Variants in AK5 observed in about 807,000 individuals in gnomAD.
AK5 encodes the protein adenylate kinase isoenzyme 5.
AK5 carries 27 observed loss-of-function variants against 69.5 expected under a neutral mutation model. The ratio of observed to expected loss-of-function variants is 0.39; its 90% CI spans 0.29 to 0.54. The LOEUF is 0.54. AK5 is among the 20% of genes least tolerant of loss of function. AK5 has a pLI of 0.71. For synonymous variants in AK5, 260 were observed against 244.4 expected, an observed-to-expected ratio of 1.06 and a Z score of -0.60; for missense variants, 531 against 700.4, an observed-to-expected ratio of 0.76 and a Z score of 2.73.
At chr1:77,450,822 A>T (rs1653097747) in intron 8 of AK5, among the ~76,000 whole-genome samples, 1 of 152,204 alleles carries the variant, frequency 6.6e-6, no homozygotes, top group Non-Finnish European at 1.5e-5. Flanking sequence ...CTTGTCTTTC[A>T]AGCATAATAC....
intron 5 of AK5, among the ~76,000 whole-genome samples, chr1:77,306,029 T>TA (rs1445737123): frequency 6.6e-6 from 1 of 152,166 alleles, no homozygotes; most frequent in Non-Finnish European, 1.5e-5. Flanking sequence ...CAGTGTTTTA[T>TA]AGTTTTCATT....
chr1:77,512,519 C>T (rs1179318654), intron 10 of AK5, among the ~76,000 whole-genome samples: 6 of 151,152 alleles, frequency 4.0e-5, no homozygotes, highest in South Asian at 2.2e-4. Flanking sequence ...TTTGGGGGAA[C>T]GGGACAAATT....
At chr1:77,501,840 G>C (rs1187897676) in intron 10 of AK5, among the ~76,000 whole-genome samples, 3 of 152,136 alleles carry the variant, frequency 2.0e-5, no homozygotes, top group Middle Eastern at 3.2e-3. Flanking sequence ...TAAAATATCA[G>C]CCCCAGCACT....
At chr1:77,362,355 G>C (rs1248750905) in intron 6 of AK5, among the ~76,000 whole-genome samples, 1 of 151,916 alleles carries the variant, frequency 6.6e-6, no homozygotes, top group Non-Finnish European at 1.5e-5. Context: ...TTCCTCAATT[G>C]TAGTTCAATA....
rs190208738 is a variant in AK5 at position 77,303,332 on chromosome 1, T to C, written c.699+5385T>C. Reference sequence around the variant, plus strand: ...TTTATATGTGCTATATCTATTGATATTCACCATATGAGAAATCAAAACAAA... The same window carrying C: ...TTTATATGTGCTATATCTATTGATACTCACCATATGAGAAATCAAAACAAA... On this transcript the variant is annotated intron_variant, in intron 5 of 13. Transcript: ENST00000354567. 7.5e-4 allele frequency among the ~76,000 whole-genome samples: 115 copies of C among 152,370 alleles called. 1 individual carries two copies. The highest frequency in any genetic ancestry group is 2.6e-3 in the African/African-American group (110 of 41,596).
At chr1:77,288,381 C>T (rs1014998733) in intron 2 of AK5, among the ~76,000 whole-genome samples, 1 of 152,094 alleles carries the variant, frequency 6.6e-6, no homozygotes, top group Non-Finnish European at 1.5e-5. Flanking sequence ...AAAACTGAAA[C>T]CATTCTCAAA....
intron 13 of AK5, 55 bp downstream of exon 13, chr1:77,536,093 T>C (rs1324239572): frequency 1.0e-4 from 145 of 1,446,868 alleles, no homozygotes; most frequent in Middle Eastern, 1.9e-4. Context: ...TTTTTTTTTT[T>C]CCAAGAAAAG....
intron 5 of AK5, among the ~76,000 whole-genome samples, chr1:77,301,881 G>C (rs1431424130): frequency 1.3e-5 from 2 of 152,154 alleles, no homozygotes; most frequent in Non-Finnish European, 2.9e-5. Context: ...GTTCCTCTGA[G>C]AAGTTCTTCC....
intron 13 of AK5, among the ~76,000 whole-genome samples, chr1:77,544,988 ACATTGTGATG>A (rs2100381405): frequency 6.6e-6 from 1 of 152,352 alleles, no homozygotes; most frequent in South Asian, 2.1e-4. Context: ...TTGCGCTGTG[ACATTGTGATG>A]GCTACCACAT....
intron 6 of AK5, among the ~76,000 whole-genome samples, chr1:77,394,275 G>A (rs6680888): frequency 0.4 from 60,699 of 151,712 alleles, 12,948 homozygotes; most frequent in East Asian, 0.63. Context: ...TGTGATTCAT[G>A]AATTCTTGTC....
chr1:77,313,242 A>G (rs545758119), intron 5 of AK5, among the ~76,000 whole-genome samples: 14 of 152,080 alleles, frequency 9.2e-5, no homozygotes, highest in Non-Finnish European at 1.9e-4. Context: ...TTTACAGGTA[A>G]GGAAACCAAG....
chr1:77,318,861 T>C (rs1660379506), intron 5 of AK5, among the ~76,000 whole-genome samples: 1 of 152,182 alleles, frequency 6.6e-6, no homozygotes, highest in Non-Finnish European at 1.5e-5. Flanking sequence ...TATCGTATAA[T>C]GCTTTATATT....
rs140146794 is a variant in AK5, at chr1:77,338,954, A to C, written c.700-1423A>C. On this transcript the variant is annotated intron_variant, in intron 5 of 13. Coordinates refer to ENST00000354567, the MANE Select transcript of AK5 (RefSeq NM_174858.3). ...ATTATGTGCCTGTTGTTCAGCTAGT[A>C]AGTCCTGGGGCAAAAAAACTGGAAT... Among the ~76,000 whole-genome samples, 148 of 151,406 alleles carry C rather than the reference A, an allele frequency of 9.8e-4. 2 individuals carry two copies. Among genetic ancestry groups the C allele is most frequent in the South Asian group, 8.4e-3 (40 of 4,766 alleles).
At chr1:77,485,735 G>A (rs1470840945) in intron 9 of AK5, among the ~76,000 whole-genome samples, 1 of 152,158 alleles carries the variant, frequency 6.6e-6, no homozygotes, top group Non-Finnish European at 1.5e-5. Context: ...CTTTCTTTGT[G>A]ATTCATGCTA....
At chr1:77,486,956 T>C (rs1655644216) in intron 10 of AK5, among the ~76,000 whole-genome samples, 2 of 152,180 alleles carry the variant, frequency 1.3e-5, no homozygotes, top group South Asian at 4.1e-4. Flanking sequence ...CTAACACACA[T>C]CTTTTCAGTT....
intron 13 of AK5, among the ~76,000 whole-genome samples, chr1:77,550,756 G>A (rs746207203): frequency 3.3e-5 from 5 of 152,242 alleles, no homozygotes; most frequent in Non-Finnish European, 7.3e-5. Flanking sequence ...AATTAGATGA[G>A]CAAAGAGAAT....
At chr1:77,299,851 T>A (rs1415896937) in intron 5 of AK5, among the ~76,000 whole-genome samples, 1 of 152,096 alleles carries the variant, frequency 6.6e-6, no homozygotes, top group Non-Finnish European at 1.5e-5. Flanking sequence ...GATTTTTTTT[T>A]AATTGCTTTT....
chr1:77,429,911 C>G (rs756966435), intron 8 of AK5, among the ~76,000 whole-genome samples: 3 of 152,034 alleles, frequency 2.0e-5, no homozygotes, highest in African/African-American at 7.3e-5. Context: ...CAAAAGAAGA[C>G]CAGGATAGCT....
intron 6 of AK5, among the ~76,000 whole-genome samples, chr1:77,367,287 G>A (rs1173156996): frequency 6.6e-6 from 1 of 151,386 alleles, no homozygotes; most frequent in Non-Finnish European, 1.5e-5. Flanking sequence ...CTTGGGCATA[G>A]GACCCAAGTC....
Sources: gnomAD v4.1 joint callset for allele counts (sites outside exome capture counted in the v4.1 genomes callset) on GRCh38, gnomAD v4.1.1 for gene constraint, MANE v1.5 for transcripts, NCBI Gene and HGNC (gene_info 2026-07-23, HGNC 2026-07-21) for gene names.